Variants in TRIP11 observed in about 807,000 individuals in gnomAD.
The protein encoded by TRIP11 is thyroid hormone receptor interactor 11.
TRIP11 carries 148 observed loss-of-function variants against 223.1 expected under a neutral mutation model. The observed-to-expected ratio is 0.66, with a 90% CI of 0.58 to 0.76. The LOEUF is 0.76. Among genes scored for constraint, TRIP11 ranks in the 30% least tolerant of loss-of-function variants. The pLI is 0.00. For synonymous variants in TRIP11, 762 were observed against 772.6 expected (o/e 0.99, Z 0.23); for missense variants, 2,043 against 2,222.0 (o/e 0.92, Z 1.62).
At chr14:92,028,113 G>T (rs1289449450) in intron 2 of TRIP11, among the ~76,000 whole-genome samples, 1 of 152,030 alleles carries the variant, frequency 6.6e-6, no homozygotes, top group Non-Finnish European at 1.5e-5. Flanking sequence ...TCAAACCCTG[G>T]TTATAAAAGT....
intron 10 of TRIP11, among the ~76,000 whole-genome samples, chr14:92,007,081 A>T (rs2056914457): frequency 6.7e-6 from 1 of 150,012 alleles, no homozygotes; most frequent in Non-Finnish European, 1.5e-5. Context: ...GCTGGAGTGC[A>T]GTGGCATGAT....
chr14:92,023,428 G>GA lies in TRIP11; in HGVS notation c.313-1598dup, dbSNP rs1376294101. 1.8e-4 allele frequency among the ~76,000 whole-genome samples: 28 copies of GA among 152,356 alleles called. 1 individual carries two copies. The highest frequency in any genetic ancestry group is 1.8e-3 in the Admixed American group (27 of 15,306). On this transcript the variant is annotated intron_variant, in intron 3 of 20. Transcript: ENST00000267622. Reference sequence around the variant, plus strand: ...ACACCTTATACCCACAGGTACGTGTGAAAGTAATTTTATAAAATGCTTTTA... The same window carrying GA: ...ACACCTTATACCCACAGGTACGTGTGAAAAGTAATTTTATAAAATGCTTTTA...
Position 91,996,459 on chromosome 14 carries a change from T to TTGAGCCCAGGAGCTTGAGGCTGCAC in TRIP11, c.4893-969_4893-945dup, listed in dbSNP as rs2056752283. Among the ~76,000 whole-genome samples the TTGAGCCCAGGAGCTTGAGGCTGCAC allele has an allele frequency of 5.3e-5, 8 of 152,170 alleles. No individual in the cohort carries two copies. The South Asian group carries it at 1.7e-3, about 32-fold the overall frequency. On this transcript the variant is annotated intron_variant, in intron 13 of 20. Transcript: ENST00000267622. ...TGAGAGGCCAAGGCAAAAGGACTGTTTGAGCCCAGGAGCTTGAGGCTGCAC... is the reference window on the plus strand; with the variant it reads ...TGAGAGGCCAAGGCAAAAGGACTGTTTGAGCCCAGGAGCTTGAGGCTGCACTGAGCCCAGGAGCTTGAGGCTGCAC...
In TRIP11 at chr14:92,007,676, T is replaced by C. The variant is rs367601065; in HGVS notation, c.1491A>G (p.Ile497Met). 14 of 1,613,646 alleles carry C rather than the reference T, an allele frequency of 8.7e-6. No homozygotes were observed. In the South Asian group the frequency reaches 8.8e-5, roughly 10 times the overall value. The change falls in exon 10 of 21, where the codon ATA (isoleucine) becomes ATG (methionine). Residue 497 changes from isoleucine (I) to methionine (M), a missense_variant. By Grantham distance (10) the Ile-to-Met change is conservative. Coordinates refer to ENST00000267622, the MANE Select transcript of TRIP11 (RefSeq NM_004239.4). ...ISEKETLIAE[I>M]EELDRQNQEA... ...CTTGATTCTGTCTGTCCAATTCTTC[T>C]ATCTCAGCTATCAGTGTTTCCTTTT...
chr14:91,996,502 A>G (rs1329717741), intron 13 of TRIP11, among the ~76,000 whole-genome samples: 2 of 152,134 alleles, frequency 1.3e-5, no homozygotes, highest in African/African-American at 4.8e-5. Context: ...TGATCACACC[A>G]CTGTACTCTA....
chr14:92,036,892 G>A (rs376615058), intron 1 of TRIP11, among the ~76,000 whole-genome samples: 6 of 152,070 alleles, frequency 3.9e-5, no homozygotes, highest in African/African-American at 1.4e-4. Context: ...ATGCAGCCAT[G>A]CCCAGCTAAA....
At chr14:91,977,320 G>T in intron 16 of TRIP11, 1 of 426,316 alleles carries the variant, frequency 2.3e-6, no homozygotes, top group Non-Finnish European at 4.7e-6. Context: ...TGTGCTTTTG[G>T]TTTCATATCT....
intron 2 of TRIP11, among the ~76,000 whole-genome samples, chr14:92,032,842 A>G (rs998955913): frequency 1.3e-5 from 2 of 152,116 alleles, no homozygotes; most frequent in Non-Finnish European, 2.9e-5. Context: ...CAAAAAAAAA[A>G]AAAAAAAATT....
rs377170955 is a variant in TRIP11, at chr14:92,006,079, G to T, written c.1897C>A (p.Gln633Lys). ...TCCTTAAAATTACTATTAGAGTCTTGATTTAGAGACTGCATTAACTCATTC... is the reference window on the plus strand; with the variant it reads ...TCCTTAAAATTACTATTAGAGTCTTTATTTAGAGACTGCATTAACTCATTC... ...IRNELMQSLN[Q>K]DSNSNFKDTL... Residue 633 changes from glutamine to lysine, a missense_variant, in exon 11 of 21, where the codon CAA (glutamine) becomes AAA (lysine). Coordinates refer to ENST00000267622, the MANE Select transcript of TRIP11 (RefSeq NM_004239.4). 18 of 1,590,578 alleles carry T rather than the reference G, an allele frequency of 1.1e-5. No homozygotes were observed. Among genetic ancestry groups the T allele is most frequent in the Non-Finnish European group, 1.5e-5 (17 of 1,172,130 alleles).
At position 92,004,621 on chromosome 14, in the gene TRIP11, A is replaced by C; in HGVS notation, c.3355T>G (p.Tyr1119Asp). Residue 1119 changes from tyrosine (Y) to aspartate (D), a missense_variant, in exon 11 of 21, where the codon TAT becomes GAT. Physicochemically the swap from Tyr to Asp is radical, Grantham distance 160. Transcript: ENST00000267622. ...TRENSHLKTEYHKMMDIVAAK... is the reference protein window; with the variant it reads ...TRENSHLKTEDHKMMDIVAAK... ...GCAACAATATCCATCATTTTGTGAT[A>C]TTCTGTTTTTAGATGGCTATTTTCC... The C allele has an allele frequency of 6.2e-7, 1 of 1,614,168 alleles. No individual in the cohort carries two copies. Among genetic ancestry groups the C allele is most frequent in the East Asian group, 2.2e-5 (1 of 44,872 alleles).
chr14:92,035,577 A>AT (rs373503456), intron 1 of TRIP11, among the ~76,000 whole-genome samples: 213 of 103,628 alleles, frequency 2.1e-3, no homozygotes, highest in Non-Finnish European at 3.4e-3. Context: ...TTATTTATTT[A>AT]TTTATTTATT....
intron 16 of TRIP11, among the ~76,000 whole-genome samples, chr14:91,976,596 T>C (rs1167585189): frequency 6.6e-6 from 1 of 152,226 alleles, no homozygotes; most frequent in Non-Finnish European, 1.5e-5. Context: ...TCTATTTTCC[T>C]GGCCAGACTC....
chr14:92,034,649 T>A (rs1329311827), intron 1 of TRIP11, among the ~76,000 whole-genome samples: 1 of 152,228 alleles, frequency 6.6e-6, no homozygotes, highest in African/African-American at 2.4e-5. Flanking sequence ...TTCATCTTTA[T>A]TTTTTAATTT....
intron 15 of TRIP11, among the ~76,000 whole-genome samples, chr14:91,990,081 T>C (rs2056653469): frequency 6.6e-6 from 1 of 152,320 alleles, no homozygotes; most frequent in Non-Finnish European, 1.5e-5. Flanking sequence ...AAATTGCATG[T>C]GTGTATCCAT....
chr14:92,027,847 G>T (rs147752923), intron 2 of TRIP11, among the ~76,000 whole-genome samples: 2 of 152,292 alleles, frequency 1.3e-5, no homozygotes, highest in East Asian at 3.9e-4. Context: ...GATCCAGGAA[G>T]ATTACATAAA....
rs11851376 is a variant in TRIP11 at position 91,988,289 on chromosome 14, C to T, written c.5255G>A (p.Arg1752Lys). 8.4e-3 allele frequency: 13,566 copies of T among 1,609,890 alleles called. 524 individuals are homozygous for T. In the African/African-American group the frequency reaches 0.1, roughly 12 times the overall value. Residue 1752 changes from arginine (R) to lysine (K), a missense_variant, in exon 16 of 21, where the codon AGA becomes AAA. By Grantham distance (26) the Arg-to-Lys change is conservative. Transcript: ENST00000267622. Reference protein sequence around the residue: ...VKEEQIEELKRQNELRQEMLD... With the variant: ...VKEEQIEELKKQNELRQEMLD... ...ATGAAAAGAAAAAAACCTACTTTGT[C>T]TTTTAAGTTCTTCAATTTGTTCTTC...
Position 92,004,408 on chromosome 14 carries a change from A to C in TRIP11, c.3568T>G (p.Ser1190Ala). Residue 1190 changes from serine (S) to alanine (A), a missense_variant, in exon 11 of 21, where the codon TCC (serine) becomes GCC (alanine). Coordinates refer to ENST00000267622, the MANE Select transcript of TRIP11 (RefSeq NM_004239.4). ...CCTCCAGCCTCATTACCAGTGCTGG[A>C]TGTTTGTAAAACTGCCAATAAAGTC... Reference protein sequence around the residue: ...CQTLLAVLQTSSTGNEAGGVN... With the variant: ...CQTLLAVLQTASTGNEAGGVN... 2 of 1,614,080 alleles carry C rather than the reference A, an allele frequency of 1.2e-6. No homozygotes were observed. The highest frequency in any genetic ancestry group is 1.7e-6 in the Non-Finnish European group (2 of 1,180,028).
rs1423795588 is a variant in TRIP11, at chr14:92,011,063, G to T, written c.1237C>A (p.Leu413Ile). 1.2e-6 allele frequency: 2 copies of T among 1,613,904 alleles called. No individual in the cohort carries two copies. Among genetic ancestry groups the T allele is most frequent in the South Asian group, 1.1e-5 (1 of 91,070 alleles). Residue 413 changes from leucine (L) to isoleucine (I), a missense_variant, in exon 9 of 21, where the codon CTT becomes ATT. Coordinates refer to ENST00000267622, the MANE Select transcript of TRIP11 (RefSeq NM_004239.4). ...RLSSLNQDNS[L>I]AEDNLKLKMR... Reference sequence around the variant, plus strand: ...TTAAGTTTCAGATTGTCTTCAGCAAGACTGTTATCCTACAAAAATGTTAAA... The same window carrying T: ...TTAAGTTTCAGATTGTCTTCAGCAATACTGTTATCCTACAAAAATGTTAAA...
At chr14:92,020,796 G>GCA in intron 4 of TRIP11, among the ~76,000 whole-genome samples, 1 of 152,294 alleles carries the variant, frequency 6.6e-6, no homozygotes, top group South Asian at 2.1e-4. Context: ...GAGAGGCCAG[G>GCA]CGCAGTGGCT....
Sources: allele counts gnomAD v4.1 joint callset (sites outside exome capture counted in the v4.1 genomes callset), GRCh38; gene constraint gnomAD v4.1.1; transcripts MANE v1.5; gene names NCBI Gene and HGNC (gene_info 2026-07-23, HGNC 2026-07-21).